Variants in RBFOX1 observed in about 807,000 individuals in gnomAD.
RBFOX1 encodes RNA binding fox-1 homolog 1, also known as RNA binding protein fox-1 homolog 1.
In RBFOX1, 8 loss-of-function variants were observed where a neutral mutation model predicts 57.7. That is an observed-to-expected ratio of 0.14 (90% CI 0.08 to 0.25). The LOEUF (loss-of-function observed/expected upper bound fraction) is 0.25, where lower values mean the gene tolerates loss of function less well. Among genes scored for constraint, RBFOX1 ranks in the 10% least tolerant of loss-of-function variants. RBFOX1 has a pLI of 1.00. For synonymous variants in RBFOX1, 326 were observed against 222.4 expected (o/e 1.47, Z -4.15); for missense variants, 611 against 548.5 (o/e 1.11, Z -1.14).
At chr16:7,001,662 G>A (rs1596556056) in intron 3 of RBFOX1, among the ~76,000 whole-genome samples, 1 of 151,878 alleles carries the variant, frequency 6.6e-6, no homozygotes, top group Non-Finnish European at 1.5e-5. Context: ...TCACCATGTT[G>A]GCCAGGGTGG....
intron 4 of RBFOX1, among the ~76,000 whole-genome samples, chr16:7,410,413 G>A (rs1157472906): frequency 6.6e-6 from 1 of 152,218 alleles, no homozygotes; most frequent in East Asian, 1.9e-4. Context: ...TGAGCGTGAT[G>A]GCTCACGCCT....
chr16:5,471,596 G>T (rs1332969464), intron 2 of RBFOX1, among the ~76,000 whole-genome samples: 1 of 152,124 alleles, frequency 6.6e-6, no homozygotes, highest in African/African-American at 2.4e-5. Context: ...TGTCTCTCCA[G>T]GCACCAGGGC....
chr16:7,100,772 G>C (rs941966312), intron 4 of RBFOX1, among the ~76,000 whole-genome samples: 1 of 152,020 alleles, frequency 6.6e-6, no homozygotes, highest in Non-Finnish European at 1.5e-5. Context: ...CGTAAATATA[G>C]GACACTGTGT....
intron 3 of RBFOX1, among the ~76,000 whole-genome samples, chr16:5,806,983 G>T (rs2055251150): frequency 6.6e-6 from 1 of 152,152 alleles, no homozygotes; most frequent in South Asian, 2.1e-4. Flanking sequence ...AAAATGTCTT[G>T]CCATGGCCTG....
chr16:7,080,470 C>T (rs1173191310), intron 4 of RBFOX1, among the ~76,000 whole-genome samples: 3 of 152,120 alleles, frequency 2.0e-5, no homozygotes, highest in Non-Finnish European at 4.4e-5. Context: ...TGTAACAGAG[C>T]CTCATTCCTT....
chr16:7,710,827 C>T lies in RBFOX1; in HGVS notation c.*82C>T. On this transcript the variant is annotated 3_prime_UTR_variant, in exon 16 of 16. Transcript: ENST00000550418. ...GAGTATTGCAATACATGCAGTAGTA[C>T]ATCATTTTAGCAACTCTAAAAAAAA... The T allele has an allele frequency of 9.6e-7, 1 of 1,037,208 alleles. No homozygotes were observed. Among genetic ancestry groups the T allele is most frequent in the Non-Finnish European group, 1.3e-6 (1 of 783,010 alleles). 64.3% of individuals were successfully genotyped at this position (1,037,208 alleles called of 1,614,324 possible).
chr16:6,911,969 A>T (rs1191976158), intron 3 of RBFOX1, among the ~76,000 whole-genome samples: 1 of 152,202 alleles, frequency 6.6e-6, no homozygotes, highest in Non-Finnish European at 1.5e-5. Context: ...GAGGCTTGGG[A>T]GTAGAAAGAA....
intron 3 of RBFOX1, among the ~76,000 whole-genome samples, chr16:5,863,430 G>T (rs535078888): frequency 1.3e-5 from 2 of 152,144 alleles, no homozygotes; most frequent in African/African-American, 4.8e-5. Flanking sequence ...AAAGCCCATG[G>T]TTGCAGCTGG....
chr16:5,714,358 A>C lies in RBFOX1; in HGVS notation c.318+115397A>C, dbSNP rs1360861472. 2.0e-5 allele frequency among the ~76,000 whole-genome samples: 3 copies of C among 152,208 alleles called. No individual in the cohort carries two copies. The East Asian group carries it at 5.8e-4, about 29-fold the overall frequency. On this transcript the variant is annotated intron_variant, in intron 3 of 19. Coordinates refer to the RBFOX1 transcript ENST00000641259. ...CCCATTGCCTTGAACTGCTCCCATC[A>C]TGATGAGAAGAACTTCCCCATACCA...
chr16:5,882,663 T>C (rs1436112), intron 4 of RBFOX1, among the ~76,000 whole-genome samples: 82,009 of 151,872 alleles, frequency 0.54, 24,332 homozygotes, highest in African/African-American at 0.8. Flanking sequence ...GCTCACGCCC[T>C]GCTCCAGAGC....
chr16:6,562,322 A>C (rs555140848), intron 2 of RBFOX1, among the ~76,000 whole-genome samples: 1 of 152,374 alleles, frequency 6.6e-6, no homozygotes, highest in East Asian at 1.9e-4. Flanking sequence ...TTGTACAGAT[A>C]AGGCAACACT....
intron 4 of RBFOX1, among the ~76,000 whole-genome samples, chr16:7,508,565 T>A (rs1192107382): frequency 6.6e-6 from 1 of 152,180 alleles, no homozygotes; most frequent in Non-Finnish European, 1.5e-5. Flanking sequence ...CTGCTTGTTT[T>A]AACTCTCACT....
At chr16:5,688,499 A>G (rs1390285425) in intron 3 of RBFOX1, among the ~76,000 whole-genome samples, 1 of 152,132 alleles carries the variant, frequency 6.6e-6, no homozygotes, top group Non-Finnish European at 1.5e-5. Context: ...TTGTAAGAAT[A>G]CAGAGAGGTG....
intron 4 of RBFOX1, among the ~76,000 whole-genome samples, chr16:7,130,784 C>G (rs1045434260): frequency 1.3e-5 from 2 of 152,106 alleles, no homozygotes; most frequent in African/African-American, 4.8e-5. Flanking sequence ...CAACGCATTT[C>G]TTTTAAAAAA....
intron 1 of RBFOX1, among the ~76,000 whole-genome samples, chr16:5,241,126 G>A (rs1478600000): frequency 6.6e-6 from 1 of 152,218 alleles, no homozygotes. Context: ...GGGCAGCACG[G>A]GTAGCCGTCC....
intron 3 of RBFOX1, among the ~76,000 whole-genome samples, chr16:7,034,841 C>CTT (rs1255430430): frequency 5.6e-4 from 22 of 39,156 alleles, no homozygotes; most frequent in African/African-American, 1.1e-3. Context: ...TTTTTTTTTT[C>CTT]TTTTTTCTTT....
chr16:5,969,477 AT>A (rs34622040), intron 4 of RBFOX1, among the ~76,000 whole-genome samples: 2,849 of 116,988 alleles, frequency 0.024, 103 homozygotes, highest in African/African-American at 0.083. Context: ...ACGCCTGGCT[AT>A]TTTTTTTTTT....
chr16:6,860,510 AC>A (rs2058804922), intron 3 of RBFOX1, among the ~76,000 whole-genome samples: 1 of 152,176 alleles, frequency 6.6e-6, no homozygotes, highest in South Asian at 2.1e-4. Flanking sequence ...CACTTTAGTA[AC>A]ATCATGGGAC....
intron 2 of RBFOX1, among the ~76,000 whole-genome samples, chr16:6,374,305 A>C (rs144612991): frequency 6.6e-6 from 1 of 152,324 alleles, no homozygotes; most frequent in African/African-American, 2.4e-5. Context: ...TACACCACAC[A>C]ATTTGGGATC....
Sources: gnomAD v4.1 joint callset for allele counts (sites outside exome capture counted in the v4.1 genomes callset) on GRCh38, gnomAD v4.1.1 for gene constraint, MANE v1.5 for transcripts, NCBI Gene and HGNC (gene_info 2026-07-23, HGNC 2026-07-21) for gene names.